Variants in TBC1D22A observed in about 807,000 individuals in gnomAD.
TBC1D22A encodes putative GTPase activator.
Under a neutral mutation model 60.2 loss-of-function variants are expected in TBC1D22A, and 38 were observed. The observed-to-expected ratio is 0.63, with a 90% CI of 0.49 to 0.83. The LOEUF is 0.83. TBC1D22A is among the 40% of genes least tolerant of loss of function. The pLI, the probability that TBC1D22A is intolerant of heterozygous loss-of-function variation, is 0.00. For missense variants in TBC1D22A, 628 were observed against 701.0 expected (o/e 0.90, Z 1.18); for synonymous variants, 302 against 281.7 (o/e 1.07, Z -0.72).
chr22:47,014,940 A>G (rs1300783063), intron 10 of TBC1D22A, among the ~76,000 whole-genome samples: 1 of 152,098 alleles, frequency 6.6e-6, no homozygotes, highest in Non-Finnish European at 1.5e-5. Context: ...TGCCTGGGTG[A>G]CTGAGGGCCC....
At chr22:47,062,546 C>G (rs1310886647) in intron 11 of TBC1D22A, among the ~76,000 whole-genome samples, 1 of 152,092 alleles carries the variant, frequency 6.6e-6, no homozygotes, top group Non-Finnish European at 1.5e-5. Flanking sequence ...GTAGTGATTT[C>G]TACAGTGCAT....
At chr22:47,047,396 G>A (rs2063066033) in intron 11 of TBC1D22A, among the ~76,000 whole-genome samples, 1 of 152,224 alleles carries the variant, frequency 6.6e-6, no homozygotes, top group South Asian at 2.1e-4. Flanking sequence ...GAGTTGAGTA[G>A]ATCACCTGTG....
At chr22:47,121,864 C>T (rs2066282007) in intron 12 of TBC1D22A, among the ~76,000 whole-genome samples, 1 of 152,166 alleles carries the variant, frequency 6.6e-6, no homozygotes, top group African/African-American at 2.4e-5. Flanking sequence ...ATGCTGGGCT[C>T]TGGGTTCTCT....
intron 1 of TBC1D22A, among the ~76,000 whole-genome samples, chr22:46,776,700 G>T (rs1310607655): frequency 6.6e-6 from 1 of 152,032 alleles, no homozygotes; most frequent in East Asian, 1.9e-4. Flanking sequence ...AGGAGAGAGA[G>T]AGGAAGGGGA....
rs373592758 is a variant in TBC1D22A at position 46,835,948 on chromosome 22, GA to G, written c.637+38338del. On this transcript the variant is annotated intron_variant, in intron 4 of 12. Transcript: ENST00000337137. ...GCTGATATATTCAAAGTAATGCAAGGAAAAAAAAAACCTGCCGACTAAGAAT... is the reference window on the plus strand; with the variant it reads ...GCTGATATATTCAAAGTAATGCAAGGAAAAAAAAACCTGCCGACTAAGAAT... 3.0e-3 allele frequency among the ~76,000 whole-genome samples: 441 copies of G among 148,462 alleles called. 1 individual carries two copies. Among genetic ancestry groups the G allele is most frequent in the African/African-American group, 0.01 (419 of 40,614 alleles).
rs554856790 is a variant in TBC1D22A, at chr22:47,037,892, A to G, written c.1329+694A>G. Among the ~76,000 whole-genome samples the G allele has an allele frequency of 5.5e-4, 84 of 152,262 alleles. 2 individuals are homozygous for G. The highest frequency in any genetic ancestry group is 2.0e-3 in the African/African-American group (82 of 41,552). On this transcript the variant is annotated intron_variant, in intron 11 of 12. Transcript: ENST00000337137. ...CACGCTCAGGACTCACACCTTGTCT[A>G]TATTTTGAGTTACATATAATAAAGA...
intron 8 of TBC1D22A, among the ~76,000 whole-genome samples, chr22:46,948,902 G>T (rs1424985913): frequency 6.6e-6 from 1 of 152,172 alleles, no homozygotes; most frequent in Non-Finnish European, 1.5e-5. Context: ...TTTACCTTAT[G>T]CAGACTGAAC....
intron 12 of TBC1D22A, among the ~76,000 whole-genome samples, chr22:47,168,600 G>T (rs1488080379): frequency 6.6e-6 from 1 of 152,162 alleles, no homozygotes; most frequent in African/African-American, 2.4e-5. Flanking sequence ...CCTCGCTGCT[G>T]CCCGTTCTCA....
chr22:46,974,441 C>A, intron 9 of TBC1D22A, 42 bp downstream of exon 9: 1 of 1,536,948 alleles, frequency 6.5e-7, no homozygotes, highest in Non-Finnish European at 8.9e-7. Context: ...CGCCCACAGC[C>A]CCTGCGGTGA....
At chr22:46,891,885 G>A (rs6007985) in intron 6 of TBC1D22A, among the ~76,000 whole-genome samples, 2,131 of 152,180 alleles carry the variant, frequency 0.014, 64 homozygotes, top group African/African-American at 0.049. Context: ...GTTTTGCAGG[G>A]GACACACTTC....
chr22:47,096,621 A>G (rs1479434715), intron 11 of TBC1D22A, among the ~76,000 whole-genome samples: 1 of 152,162 alleles, frequency 6.6e-6, no homozygotes. Flanking sequence ...CAGGAGTTTG[A>G]GACCAGCCTG....
chr22:46,861,967 T>C (rs2087913358), intron 4 of TBC1D22A, among the ~76,000 whole-genome samples: 1 of 152,194 alleles, frequency 6.6e-6, no homozygotes, highest in South Asian at 2.1e-4. Context: ...GGACTGGGCA[T>C]GTGGTGTCAG....
intron 11 of TBC1D22A, among the ~76,000 whole-genome samples, chr22:47,069,338 G>A (rs1202324143): frequency 2.0e-5 from 3 of 152,196 alleles, no homozygotes; most frequent in East Asian, 3.9e-4. Context: ...TAGTGTGAGT[G>A]GTGCAGATGG....
chr22:46,805,654 G>GCCA (rs1281687105), intron 4 of TBC1D22A, among the ~76,000 whole-genome samples: 3 of 152,176 alleles, frequency 2.0e-5, no homozygotes, highest in East Asian at 3.9e-4. Flanking sequence ...CCAAGGATGT[G>GCCA]TCTCCTGTGG....
At chr22:46,958,029 T>G (rs1448058417) in intron 8 of TBC1D22A, among the ~76,000 whole-genome samples, 5 of 147,148 alleles carry the variant, frequency 3.4e-5, no homozygotes, top group African/African-American at 1.0e-4. Context: ...GTTGGGGGAG[T>G]GATGGGGTAG....
At chr22:46,857,892 T>C (rs2087651251) in intron 4 of TBC1D22A, among the ~76,000 whole-genome samples, 1 of 152,202 alleles carries the variant, frequency 6.6e-6, no homozygotes, top group Non-Finnish European at 1.5e-5. Flanking sequence ...AATGGACATA[T>C]GGGGTGTTTC....
chr22:46,912,846 C>T (rs1380052129), intron 8 of TBC1D22A, among the ~76,000 whole-genome samples: 3 of 152,234 alleles, frequency 2.0e-5, no homozygotes, highest in Admixed American at 6.5e-5. Flanking sequence ...TGAGCTACCA[C>T]GCCCAGTCAG....
chr22:46,922,227 C>A (rs933158319), intron 8 of TBC1D22A, among the ~76,000 whole-genome samples: 3 of 152,202 alleles, frequency 2.0e-5, no homozygotes, highest in Admixed American at 2.0e-4. Context: ...GCTCTCTCTT[C>A]TGTTCCATTG....
chr22:46,941,377 A>AAT (rs1225020492), intron 8 of TBC1D22A, among the ~76,000 whole-genome samples: 6 of 147,276 alleles, frequency 4.1e-5, no homozygotes, highest in Admixed American at 6.9e-5. Flanking sequence ...ATATATACAG[A>AAT]ATATATATAC....
Sources: allele counts gnomAD v4.1 joint callset (sites outside exome capture counted in the v4.1 genomes callset), GRCh38; gene constraint gnomAD v4.1.1; transcripts MANE v1.5; gene names NCBI Gene and HGNC (gene_info 2026-07-23, HGNC 2026-07-21).